The following ATAD2 variants were observed in gnomAD, a reference collection of about 807,000 sequenced individuals.
The protein encoded by ATAD2 is ATPase family AAA domain-containing protein 2.
ATAD2 carries 62 observed loss-of-function variants against 168.9 expected under a neutral mutation model. That is an observed-to-expected ratio of 0.37 (90% CI 0.30 to 0.45). ATAD2 has a LOEUF of 0.45. Ranked by LOEUF, ATAD2 falls within the 20% of genes least tolerant of loss-of-function variation. The pLI is 1.00. For missense variants in ATAD2, 1,419 were observed against 1,667.8 expected, an observed-to-expected ratio of 0.85 and a Z score of 2.60; for synonymous variants, 613 against 571.6, an observed-to-expected ratio of 1.07 and a Z score of -1.03.
chr8:123,396,223 C>G lies in ATAD2; in HGVS notation c.135G>C (p.Ala45=), dbSNP rs780389393. The change falls in exon 1 of 28, where the codon GCG becomes GCC. Residue 45 remains alanine, a synonymous_variant. Coordinates refer to ENST00000287394, the MANE Select transcript of ATAD2 (RefSeq NM_014109.4). ...CTGTGGTCGCCGCGGGTTTCTTCTGCGCCGCGCCGGCCGAGCGGAGCCGCC... is the reference window on the plus strand; with the variant it reads ...CTGTGGTCGCCGCGGGTTTCTTCTGGGCCGCGCCGGCCGAGCGGAGCCGCC... ...GRRRLRSAGA[A]QKKPAATTAK... 1.3e-6 allele frequency: 2 copies of G among 1,597,592 alleles called. No homozygotes were observed. The highest frequency in any genetic ancestry group is 1.7e-6 in the Non-Finnish European group (2 of 1,175,574).
chr8:123,349,781 G>A (rs890891939), intron 13 of ATAD2, among the ~76,000 whole-genome samples: 1 of 151,850 alleles, frequency 6.6e-6, no homozygotes, highest in African/African-American at 2.4e-5. Context: ...GCTCACGCCT[G>A]TAACCCCAGA....
intron 1 of ATAD2, among the ~76,000 whole-genome samples, chr8:123,414,598 TGGGTGACAGAGG>T: frequency 6.6e-6 from 1 of 152,356 alleles, no homozygotes; most frequent in African/African-American, 2.4e-5. Context: ...CACTCCAGCC[TGGGTGACAGAGG>T]GAGACCCTGT....
intron 1 of ATAD2, among the ~76,000 whole-genome samples, chr8:123,394,520 T>C (rs1812739469): frequency 2.0e-5 from 3 of 151,998 alleles, no homozygotes; most frequent in African/African-American, 4.8e-5. Context: ...TCCCAGCTAC[T>C]TGGGAGGCTG....
intron 1 of ATAD2, chr8:123,401,531 G>T: frequency 6.4e-7 from 1 of 1,559,612 alleles, no homozygotes; most frequent in Non-Finnish European, 8.7e-7. Context: ...GTGTGGACGG[G>T]CTGTGTGTGG....
At chr8:123,346,333 A>G in intron 17 of ATAD2, 61 bp from the exon 18 acceptor site, 1 of 1,417,492 alleles carries the variant, frequency 7.1e-7, no homozygotes, top group Non-Finnish European at 9.4e-7. Flanking sequence ...TTTCCCCCTA[A>G]ATTGTCAACT....
At chr8:123,344,344 C>CTTTTTTTTTTTTTTTTTTTTTTT (rs764379399) in intron 19 of ATAD2, among the ~76,000 whole-genome samples, 1 of 125,862 alleles carries the variant, frequency 7.9e-6, no homozygotes, top group African/African-American at 3.1e-5. Context: ...TTTTTAAATA[C>CTTTTTTTTTTTTTTTTTTTTTTT]TTTTTTTTTT....
intron 1 of ATAD2, 115 bp downstream of exon 1, chr8:123,396,072 C>A: frequency 8.4e-7 from 1 of 1,196,644 alleles, no homozygotes; most frequent in Non-Finnish European, 1.1e-6. Flanking sequence ...CACACTTCTC[C>A]CCCGACAACT....
chr8:123,380,994 T>G, intron 1 of ATAD2: 1 of 236,334 alleles, frequency 4.2e-6, no homozygotes, highest in Non-Finnish European at 8.2e-6. Context: ...AATAGTTTAT[T>G]ATAGTAGGTA....
intron 2 of ATAD2, among the ~76,000 whole-genome samples, chr8:123,378,427 C>A (rs548839707): frequency 1.3e-5 from 2 of 152,032 alleles, no homozygotes; most frequent in East Asian, 3.9e-4. Context: ...TCCAGGCCAG[C>A]GCAGTAGCTC....
intron 9 of ATAD2, 54 bp from the exon 10 acceptor site, chr8:123,359,739 C>A: frequency 3.3e-6 from 4 of 1,205,536 alleles, no homozygotes; most frequent in Non-Finnish European, 4.7e-6. Context: ...ACCCTCCTTC[C>A]CAAATTCCAT....
upstream of ATAD2, among the ~76,000 whole-genome samples, chr8:123,398,701 C>CA (rs1157327798): frequency 1.3e-5 from 2 of 150,522 alleles, no homozygotes; most frequent in Middle Eastern, 3.5e-3. Context: ...GACGGGGTCT[C>CA]ACTCTGTTGC....
In ATAD2 at chr8:123,320,338, AT is replaced by A. The variant is rs1325348777; in HGVS notation, c.*795del. 6.6e-6 allele frequency: 1 copy of A among 151,454 alleles called. No individual in the cohort carries two copies. The allele number at this position is 151,454 out of a possible 1,614,324, so 9.4% of individuals were successfully genotyped here. ...ATTAATATAAAATTATAATATTTAT[AT>A]TTATAAAATTGTATATAAAAAGTAT... On this transcript the variant is annotated 3_prime_UTR_variant, in exon 28 of 28. Transcript: ENST00000287394.
chr8:123,361,316 CA>C (rs60766157), intron 9 of ATAD2, among the ~76,000 whole-genome samples: 18,287 of 102,380 alleles, frequency 0.18, 3,141 homozygotes, highest in African/African-American at 0.47. Flanking sequence ...GGCCCTGTCT[CA>C]AAAAAAAAAA....
chr8:123,336,843 G>C (rs1827929263), intron 21 of ATAD2, among the ~76,000 whole-genome samples: 2 of 151,858 alleles, frequency 1.3e-5, no homozygotes, highest in Non-Finnish European at 2.9e-5. Context: ...TGGCTCTCCA[G>C]GTCTCTTCCA....
intron 27 of ATAD2, 96 bp from the exon 28 acceptor site, chr8:123,321,271 T>G: frequency 9.4e-7 from 1 of 1,059,800 alleles, no homozygotes; most frequent in East Asian, 2.5e-5. Context: ...CTTAAGAATA[T>G]TAATATTCAG....
intron 2 of ATAD2, among the ~76,000 whole-genome samples, chr8:123,376,477 G>A (rs2129804857): frequency 6.6e-6 from 1 of 151,206 alleles, no homozygotes; most frequent in Admixed American, 6.6e-5. Context: ...TAGGAGAATT[G>A]CTTGAACCTG....
intron 1 of ATAD2, among the ~76,000 whole-genome samples, chr8:123,406,751 A>C (rs1350218462): frequency 1.3e-5 from 2 of 148,420 alleles, no homozygotes; most frequent in Non-Finnish European, 3.0e-5. Flanking sequence ...TGGGAGGTGG[A>C]GGCTGCAGTG....
intron 13 of ATAD2, among the ~76,000 whole-genome samples, chr8:123,352,832 G>C (rs184702412): frequency 9.6e-4 from 146 of 152,080 alleles, no homozygotes; most frequent in African/African-American, 3.4e-3. Context: ...GGGAGCCTGA[G>C]GTGGGAGGAT....
chr8:123,384,614 T>C (rs570277968), intron 1 of ATAD2, among the ~76,000 whole-genome samples: 2 of 152,336 alleles, frequency 1.3e-5, no homozygotes, highest in African/African-American at 2.4e-5. Flanking sequence ...TAAGCACCCA[T>C]GTGCCAGGCC....
Sources: allele counts gnomAD v4.1 joint callset (sites outside exome capture counted in the v4.1 genomes callset), GRCh38; gene constraint gnomAD v4.1.1; transcripts MANE v1.5; gene names NCBI Gene and HGNC (gene_info 2026-07-23, HGNC 2026-07-21).